TRPA1: variants seen among roughly 807,000 people sequenced by gnomAD.
TRPA1 encodes the protein transient receptor potential cation channel subfamily A member 1.
Under a neutral mutation model 131.3 loss-of-function variants are expected in TRPA1, and 129 were observed. The observed-to-expected ratio is 0.98, with a 90% CI of 0.85 to 1.14. The LOEUF (loss-of-function observed/expected upper bound fraction) is 1.14. Among genes scored for constraint, TRPA1 ranks in the 50% most tolerant of loss-of-function variants. TRPA1 has a pLI of 0.00. For synonymous variants in TRPA1, 441 were observed against 451.7 expected (o/e 0.98, Z 0.30); for missense variants, 1,304 against 1,354.2 (o/e 0.96, Z 0.58).
At chr8:72,035,030 C>A (rs1415413832) in intron 21 of TRPA1, among the ~76,000 whole-genome samples, 1 of 152,168 alleles carries the variant, frequency 6.6e-6, no homozygotes, top group Non-Finnish European at 1.5e-5. Flanking sequence ...TCACCTAATG[C>A]AGGGCACACA....
At chr8:72,069,792 G>A in intron 2 of TRPA1, among the ~76,000 whole-genome samples, 1 of 149,758 alleles carries the variant, frequency 6.7e-6, no homozygotes, top group East Asian at 1.9e-4. Context: ...CACACACAGG[G>A]AGAGAGAGAG....
Position 72,055,576 on chromosome 8 carries a change from C to G in TRPA1, c.1389G>C (p.Gln463His), listed in dbSNP as rs757651736. ...AASYGRINTC[Q>H]RLLQDISDTR... is the part of the protein sequence containing the mutation. The stretch of plus-strand genomic sequence containing the variant: ...TATCACTTATGTCTTGTAGGAGCCT[C>G]TGACAGGTATTGATACGCCCATAAC... Residue 463 changes from glutamine (Q) to histidine (H), a missense_variant, in exon 12 of 27, where the codon CAG becomes CAC. Physicochemically the swap from Gln to His is conservative, Grantham distance 24 (BLOSUM62 0). Transcript: ENST00000262209. 5.6e-6 allele frequency: 9 copies of G among 1,613,614 alleles called. No homozygotes were observed. The South Asian group carries it at 8.8e-5, about 16-fold the overall frequency.
intron 25 of TRPA1, 66 bp from the exon 26 acceptor site, chr8:72,023,977 G>C (rs1713518139): frequency 2.7e-6 from 3 of 1,106,364 alleles, no homozygotes; most frequent in Non-Finnish European, 2.8e-6. Context: ...TTAAGCATGT[G>C]CCAAAATTCA....
In TRPA1 at chr8:72,023,809, C is replaced by A; in HGVS notation, c.3149+5G>T. 1 of 1,484,788 alleles carries A rather than the reference C, an allele frequency of 6.7e-7. No individual in the cohort carries two copies. Among genetic ancestry groups the A allele is most frequent in the Non-Finnish European group, 9.4e-7 (1 of 1,063,220 alleles). 92.0% of individuals were successfully genotyped at this position (1,484,788 alleles called of 1,614,324 possible). On this transcript the variant is annotated splice_donor_5th_base_variant and intron_variant, in intron 26 of 26. Transcript: ENST00000262209. Reference sequence around the variant, plus strand: ...TCAAGTACAGATAGAAGGAAAAATACATACCGGTATTTCTGCTTTAATATT... The same window carrying A: ...TCAAGTACAGATAGAAGGAAAAATAAATACCGGTATTTCTGCTTTAATATT...
intron 16 of TRPA1, 140 bp from the exon 17 acceptor site, chr8:72,046,748 C>A (rs1272140286): frequency 8.8e-6 from 5 of 565,866 alleles, no homozygotes; most frequent in Middle Eastern, 4.6e-4. Context: ...TGAGTTATTT[C>A]AAGTGGAGAA....
At chr8:72,077,158 A>G (rs1806203616), upstream of TRPA1, among the ~76,000 whole-genome samples, 2 of 152,148 alleles carry the variant, frequency 1.3e-5, no homozygotes, top group South Asian at 4.1e-4. Flanking sequence ...TTAGCTGGAA[A>G]GGGTCACTAA....
chr8:72,084,657 T>TC, the TRPA1 span, among the ~76,000 whole-genome samples: 1 of 146,636 alleles, frequency 6.8e-6, no homozygotes, highest in Non-Finnish European at 1.5e-5. Context: ...ATTTTTTTTT[T>TC]TTTTTTTTTT....
chr8:72,087,384 G>T, the TRPA1 span, among the ~76,000 whole-genome samples: 1 of 152,234 alleles, frequency 6.6e-6, no homozygotes, highest in African/African-American at 2.4e-5. Flanking sequence ...GAAGTATGCC[G>T]TTGGCAAAAG....
chr8:72,046,446 TA>T (rs1338832060), intron 17 of TRPA1, 66 bp downstream of exon 17: 1 of 970,274 alleles, frequency 1.0e-6, no homozygotes, highest in East Asian at 2.7e-5. Context: ...CCCTAAAACT[TA>T]AAGTATAATA....
Position 72,034,387 on chromosome 8 carries a change from T to TAA in TRPA1, c.2556-12_2556-11dup, listed in dbSNP as rs746093133. 9.5e-5 allele frequency: 110 copies of TAA among 1,160,454 alleles called. No individual in the cohort carries two copies. The highest frequency in any genetic ancestry group is 1.9e-4 in the African/African-American group (12 of 61,606). 71.9% of individuals were successfully genotyped at this position (1,160,454 alleles called of 1,614,324 possible). On this transcript the variant is annotated splice_polypyrimidine_tract_variant and intron_variant, in intron 21 of 26. Transcript: ENST00000262209. The stretch of plus-strand genomic sequence containing the variant: ...TCCACAATTTTCAAATCTAGAAAAG[T>TAA]AAAAAAAAAAAAATTTACTCACTTT...
chr8:72,076,622 G>A (rs895034759), upstream of TRPA1: 18 of 152,478 alleles, frequency 1.2e-4, no homozygotes, highest in Admixed American at 5.2e-4. Context: ...GGTGCACTCA[G>A]CAACGGTTTG....
At chr8:72,063,622 A>C in intron 4 of TRPA1, 51 bp from the exon 5 acceptor site, 4 of 1,256,772 alleles carry the variant, frequency 3.2e-6, no homozygotes, top group Non-Finnish European at 4.7e-6. Flanking sequence ...CCCAAATCGC[A>C]AGGGTGGATG....
upstream of TRPA1, among the ~76,000 whole-genome samples, chr8:72,076,366 A>G (rs1806185914): frequency 1.3e-5 from 2 of 152,190 alleles, no homozygotes; most frequent in African/African-American, 4.8e-5. Flanking sequence ...GGCTGGTTCT[A>G]CTTTTACGTA....
intron 26 of TRPA1, 168 bp downstream of exon 26, chr8:72,023,646 G>A (rs979413805): frequency 2.5e-5 from 14 of 553,264 alleles, no homozygotes; most frequent in Middle Eastern, 4.9e-4. Flanking sequence ...CAAATATGTT[G>A]TTGGTTCTAA....
chr8:72,070,205 G>T lies in TRPA1; in HGVS notation c.269-1007C>A, dbSNP rs150589976. ...AAGTATTTGCTCATAAATATGATTTGGAGACCATCTACGGTACATGGTACT... is the reference window on the plus strand; with the variant it reads ...AAGTATTTGCTCATAAATATGATTTTGAGACCATCTACGGTACATGGTACT... On this transcript the variant is annotated intron_variant, in intron 2 of 26. Coordinates refer to ENST00000262209, the MANE Select transcript of TRPA1 (RefSeq NM_007332.3). Among the ~76,000 whole-genome samples the T allele has an allele frequency of 1.2e-4, 19 of 152,246 alleles. No homozygotes were observed. In the East Asian group the frequency reaches 3.7e-3, roughly 29 times the overall value.
At chr8:72,025,138 G>A (rs989014182) in intron 25 of TRPA1, among the ~76,000 whole-genome samples, 7 of 110,876 alleles carry the variant, frequency 6.3e-5, no homozygotes, top group Non-Finnish European at 8.7e-5. Flanking sequence ...GTGTGTGTGC[G>A]TGCTATGTTT....
chr8:72,074,270 G>A (rs1030854389), intron 1 of TRPA1, among the ~76,000 whole-genome samples: 8 of 152,218 alleles, frequency 5.3e-5, no homozygotes, highest in African/African-American at 1.9e-4. Flanking sequence ...TAGTCATACA[G>A]TGGAATATTA....
intron 5 of TRPA1, among the ~76,000 whole-genome samples, chr8:72,063,236 A>G (rs1419001218): frequency 6.6e-6 from 1 of 151,912 alleles, no homozygotes; most frequent in Non-Finnish European, 1.5e-5. Context: ...AAAAAATTAG[A>G]TGGGCATGGT....
At chr8:72,054,571 G>C (rs917396488) in intron 12 of TRPA1, 3 of 152,458 alleles carry the variant, frequency 2.0e-5, no homozygotes, top group Non-Finnish European at 2.9e-5. Flanking sequence ...GGGTGCAAGA[G>C]CCATGTTGCT....
Sources: gnomAD v4.1 joint callset for allele counts (sites outside exome capture counted in the v4.1 genomes callset) on GRCh38, gnomAD v4.1.1 for gene constraint, MANE v1.5 for transcripts, NCBI Gene and HGNC (gene_info 2026-07-23, HGNC 2026-07-21) for gene names.